The following RALY variants were observed in gnomAD, a reference collection of about 807,000 sequenced individuals.
RALY encodes RALY heterogeneous nuclear ribonucleoprotein.
Under a neutral mutation model 30.7 loss-of-function variants are expected in RALY, and 15 were observed. The ratio of observed to expected loss-of-function variants is 0.49; its 90% CI spans 0.33 to 0.75. The LOEUF (loss-of-function observed/expected upper bound fraction) is 0.75. Ranked by LOEUF, RALY falls within the 30% of genes least tolerant of loss-of-function variation. The probability of loss-of-function intolerance (pLI) is 0.02; values close to 1 mark genes in which losing one functional copy is unlikely to be tolerated. For missense variants in RALY, 339 were observed against 414.3 expected (o/e 0.82, Z 1.58); for synonymous variants, 177 against 170.8 (o/e 1.04, Z -0.28).
chr20:34,069,477 T>C (rs1406960615), intron 2 of RALY, among the ~76,000 whole-genome samples: 1 of 152,126 alleles, frequency 6.6e-6, no homozygotes, highest in East Asian at 1.9e-4. Context: ...CACCCCAGGC[T>C]TGGTTGACTC....
chr20:34,006,888 G>C (rs922862672), intron 1 of RALY, among the ~76,000 whole-genome samples: 1 of 152,188 alleles, frequency 6.6e-6, no homozygotes, highest in African/African-American at 2.4e-5. Flanking sequence ...GCTAAGTGAT[G>C]CATGAGTGTA....
intron 1 of RALY, among the ~76,000 whole-genome samples, chr20:33,997,875 T>C (rs1005741522): frequency 2.0e-5 from 3 of 152,170 alleles, no homozygotes; most frequent in Non-Finnish European, 4.4e-5. Context: ...AAACACATGA[T>C]CATGTGTCTG....
At chr20:34,050,841 C>T (rs757580839) in intron 2 of RALY, among the ~76,000 whole-genome samples, 9 of 152,148 alleles carry the variant, frequency 5.9e-5, no homozygotes, top group Non-Finnish European at 1.3e-4. Context: ...TCAGATAACT[C>T]CCAGCTCACA....
chr20:34,045,083 A>T (rs973053328), intron 2 of RALY, among the ~76,000 whole-genome samples: 41 of 151,406 alleles, frequency 2.7e-4, no homozygotes, highest in East Asian at 1.4e-3. Context: ...CTAATTAAAA[A>T]TTTTTTTTTG....
intron 1 of RALY, among the ~76,000 whole-genome samples, chr20:33,994,524 C>T (rs1292108426): frequency 3.3e-5 from 5 of 152,252 alleles, no homozygotes; most frequent in Non-Finnish European, 5.9e-5. Context: ...GGGGAGGCCG[C>T]AGGCGGGCCC....
intron 1 of RALY, among the ~76,000 whole-genome samples, chr20:34,021,262 T>C (rs2031809109): frequency 6.6e-6 from 1 of 152,006 alleles, no homozygotes; most frequent in Admixed American, 6.6e-5. Flanking sequence ...TGTGCCAGGC[T>C]GAAAGTCACC....
In RALY at chr20:34,039,608, C is replaced by T. The variant is rs995128844; in HGVS notation, c.-10+8004C>T. On this transcript the variant is annotated intron_variant, in intron 2 of 9. Transcript: ENST00000246194. ...TTTAACCAGCCAGGCTTTGTCTAGC[C>T]CTAGAGTATTTAGAATGCTCCTGAA... is the stretch of plus-strand genomic sequence containing the variant. 3.9e-5 allele frequency among the ~76,000 whole-genome samples: 6 copies of T among 152,188 alleles called. No homozygotes were observed. The East Asian group carries it at 1.2e-3, about 29-fold the overall frequency.
At chr20:34,078,923 G>A (rs1284237244) in intron 9 of RALY, among the ~76,000 whole-genome samples, 3 of 152,308 alleles carry the variant, frequency 2.0e-5, no homozygotes, top group African/African-American at 4.8e-5. Context: ...CCAGGTCATG[G>A]AAGAGATGAT....
At chr20:34,035,863 C>T (rs935928213) in intron 2 of RALY, among the ~76,000 whole-genome samples, 5 of 152,148 alleles carry the variant, frequency 3.3e-5, no homozygotes, top group Admixed American at 1.3e-4. Flanking sequence ...GAAGGCCTCT[C>T]AGAAAATAAA....
At chr20:34,014,111 G>A (rs764466171) in intron 1 of RALY, among the ~76,000 whole-genome samples, 2 of 152,062 alleles carry the variant, frequency 1.3e-5, no homozygotes, top group Non-Finnish European at 2.9e-5. Context: ...TTAAGTTTGC[G>A]TGCATGCTGG....
chr20:33,998,846 G>T (rs2030767574), intron 1 of RALY, among the ~76,000 whole-genome samples: 1 of 152,068 alleles, frequency 6.6e-6, no homozygotes, highest in Admixed American at 6.5e-5. Flanking sequence ...AGATGGAATT[G>T]CTGGGCGTGG....
At chr20:34,003,016 G>A (rs2030988787) in intron 1 of RALY, among the ~76,000 whole-genome samples, 1 of 152,150 alleles carries the variant, frequency 6.6e-6, no homozygotes, top group South Asian at 2.1e-4. Context: ...GCCACTGCCA[G>A]CCGCCTTTGA....
chr20:34,034,128 C>G (rs1285966794), intron 2 of RALY, among the ~76,000 whole-genome samples: 1 of 152,166 alleles, frequency 6.6e-6, no homozygotes. Context: ...TTGAAGAAGG[C>G]TATTCCTCTT....
intron 2 of RALY, among the ~76,000 whole-genome samples, chr20:34,060,543 C>T (rs2033386358): frequency 6.6e-6 from 1 of 152,212 alleles, no homozygotes; most frequent in African/African-American, 2.4e-5. Flanking sequence ...TATCCTCTAA[C>T]AACCCTAGAG....
chr20:34,073,896 G>A, intron 5 of RALY, 30 bp downstream of exon 5: 1 of 1,606,932 alleles, frequency 6.2e-7, no homozygotes, highest in Non-Finnish European at 8.5e-7. Flanking sequence ...GCCCAGGCAT[G>A]AAACAGCCAA....
intron 2 of RALY, among the ~76,000 whole-genome samples, chr20:34,041,745 A>G (rs2032708820): frequency 6.6e-6 from 1 of 152,242 alleles, no homozygotes; most frequent in African/African-American, 2.4e-5. Context: ...CAGAGTGGGA[A>G]GGGACCTTAA....
At chr20:34,028,277 C>T (rs1323694582) in intron 1 of RALY, among the ~76,000 whole-genome samples, 1 of 147,384 alleles carries the variant, frequency 6.8e-6, no homozygotes, top group Non-Finnish European at 1.5e-5. Context: ...CAGAGCAAGA[C>T]CCTATCTTAA....
intron 1 of RALY, among the ~76,000 whole-genome samples, chr20:34,022,849 A>G (rs2046330811): frequency 6.6e-6 from 1 of 152,172 alleles, no homozygotes; most frequent in African/African-American, 2.4e-5. Flanking sequence ...TTTCTTCTCT[A>G]AGCCTCCAGC....
At chr20:34,077,919 G>A (rs2033940302) in intron 8 of RALY, among the ~76,000 whole-genome samples, 1 of 152,228 alleles carries the variant, frequency 6.6e-6, no homozygotes. Context: ...TGAGGAAATC[G>A]AGGCTCAGAA....
Sources: allele counts gnomAD v4.1 joint callset (sites outside exome capture counted in the v4.1 genomes callset), GRCh38; gene constraint gnomAD v4.1.1; transcripts MANE v1.5; gene names NCBI Gene and HGNC (gene_info 2026-07-23, HGNC 2026-07-21).